ANKS1B: variants seen among roughly 807,000 people sequenced by gnomAD.
ANKS1B encodes the protein ankyrin repeat and sterile alpha motif domain containing 1B.
Under a neutral mutation model 148.3 loss-of-function variants are expected in ANKS1B, and 36 were observed. That is an observed-to-expected ratio of 0.24 (90% CI 0.19 to 0.32). ANKS1B has a LOEUF of 0.32. Among genes scored for constraint, ANKS1B ranks in the 10% least tolerant of loss-of-function variants. The pLI is 1.00. For synonymous variants in ANKS1B, 542 were observed against 560.8 expected (o/e 0.97, Z 0.47); for missense variants, 1,157 against 1,542.6 (o/e 0.75, Z 4.19).
intron 17 of ANKS1B, among the ~76,000 whole-genome samples, chr12:98,947,243 A>T (rs956610945): frequency 2.0e-5 from 3 of 152,054 alleles, no homozygotes; most frequent in African/African-American, 7.2e-5. Context: ...GAAAAAGATC[A>T]CTCTAGCTAC....
intron 8 of ANKS1B, among the ~76,000 whole-genome samples, chr12:99,672,062 C>T (rs888437375): frequency 2.6e-5 from 4 of 152,026 alleles, no homozygotes; most frequent in Non-Finnish European, 4.4e-5. Flanking sequence ...TGGCAATATC[C>T]TTCAACCTAT....
At chr12:99,369,883 G>GATAC (rs1289916375) in intron 12 of ANKS1B, among the ~76,000 whole-genome samples, 4 of 151,902 alleles carry the variant, frequency 2.6e-5, no homozygotes, top group African/African-American at 9.7e-5. Context: ...TAGATAGATA[G>GATAC]ATAGATAGAT....
chr12:99,088,017 T>A (rs980764013), intron 15 of ANKS1B, among the ~76,000 whole-genome samples: 1 of 152,206 alleles, frequency 6.6e-6, no homozygotes, highest in African/African-American at 2.4e-5. Context: ...AACATCTTTT[T>A]GAGCCAAATT....
chr12:99,058,763 A>G, intron 16 of ANKS1B, among the ~76,000 whole-genome samples: 3 of 100,118 alleles, frequency 3.0e-5, no homozygotes, highest in Admixed American at 1.2e-4. Flanking sequence ...TTTGAGACGG[A>G]GTCTCGCTCT....
intron 1 of ANKS1B, among the ~76,000 whole-genome samples, chr12:99,834,649 T>C (rs1179333873): frequency 2.6e-5 from 4 of 152,204 alleles, no homozygotes; most frequent in Non-Finnish European, 4.4e-5. Flanking sequence ...CTGAGTTTCT[T>C]AGGCCAATAT....
chr12:99,412,626 G>C (rs1226549605), intron 11 of ANKS1B, among the ~76,000 whole-genome samples: 2 of 152,098 alleles, frequency 1.3e-5, no homozygotes, highest in South Asian at 4.1e-4. Flanking sequence ...AAATGCCTCA[G>C]GTAGTAACTC....
At chr12:98,983,750 T>C (rs1174604953) in intron 17 of ANKS1B, among the ~76,000 whole-genome samples, 5 of 151,858 alleles carry the variant, frequency 3.3e-5, no homozygotes, top group Non-Finnish European at 5.9e-5. Flanking sequence ...TAAAAAGGAG[T>C]CAGCAATCCA....
chr12:99,143,560 C>T (rs997122647), intron 15 of ANKS1B, among the ~76,000 whole-genome samples: 1 of 152,014 alleles, frequency 6.6e-6, no homozygotes, highest in Non-Finnish European at 1.5e-5. Flanking sequence ...GCTCATTACA[C>T]CACAGAAAAA....
At chr12:99,489,546 G>T (rs1287484953) in intron 10 of ANKS1B, among the ~76,000 whole-genome samples, 1 of 152,118 alleles carries the variant, frequency 6.6e-6, no homozygotes, top group African/African-American at 2.4e-5. Flanking sequence ...GCAATTAAAA[G>T]GTAGGCATTT....
intron 2 of ANKS1B, among the ~76,000 whole-genome samples, 200 bp from the exon 3 acceptor site, chr12:99,812,511 C>CCACACACACACACACACA (rs10539640): frequency 7.9e-6 from 1 of 126,096 alleles, no homozygotes; most frequent in African/African-American, 3.0e-5. Flanking sequence ...TCACCCCATG[C>CCACACACACACACACACA]CACACACACA....
chr12:99,234,462 T>G (rs1029965251), intron 14 of ANKS1B, among the ~76,000 whole-genome samples: 1 of 152,150 alleles, frequency 6.6e-6, no homozygotes, highest in Non-Finnish European at 1.5e-5. Flanking sequence ...TACAGTGAAT[T>G]TAACATTAAG....
At chr12:99,729,465 C>T (rs1162702162) in intron 8 of ANKS1B, among the ~76,000 whole-genome samples, 1 of 152,030 alleles carries the variant, frequency 6.6e-6, no homozygotes, top group East Asian at 1.9e-4. Context: ...AGTAATTGTA[C>T]TTTTGAACTC....
intron 11 of ANKS1B, among the ~76,000 whole-genome samples, chr12:99,427,607 G>C (rs573122714): frequency 6.6e-6 from 1 of 152,220 alleles, no homozygotes; most frequent in South Asian, 2.1e-4. Flanking sequence ...TCTATTTATT[G>C]TTCACTTGAT....
chr12:99,389,281 A>AAC (rs1370210762), intron 12 of ANKS1B, among the ~76,000 whole-genome samples: 10 of 152,214 alleles, frequency 6.6e-5, no homozygotes, highest in Non-Finnish European at 1.5e-4. Context: ...GCCCCAGGTA[A>AAC]ACACATGAGG....
chr12:99,272,043 C>T (rs1284173371), intron 12 of ANKS1B, among the ~76,000 whole-genome samples: 1 of 151,964 alleles, frequency 6.6e-6, no homozygotes, highest in Non-Finnish European at 1.5e-5. Flanking sequence ...TATCAATGTT[C>T]ACCTGATAAC....
At chr12:99,685,657 T>C (rs1339031548) in intron 8 of ANKS1B, among the ~76,000 whole-genome samples, 3 of 152,034 alleles carry the variant, frequency 2.0e-5, no homozygotes, top group East Asian at 1.9e-4. Flanking sequence ...CAACTGGCAA[T>C]TGCAAAAATA....
chr12:98,893,042 A>G (rs67903060), intron 17 of ANKS1B, among the ~76,000 whole-genome samples: 16,241 of 152,134 alleles, frequency 0.11, 990 homozygotes, highest in Middle Eastern at 0.17. Flanking sequence ...CCCCAACATC[A>G]TATTTCCCCC....
intron 12 of ANKS1B, among the ~76,000 whole-genome samples, chr12:99,284,113 C>G (rs902793248): frequency 6.6e-6 from 1 of 151,978 alleles, no homozygotes; most frequent in East Asian, 1.9e-4. Flanking sequence ...AGAGTAACAC[C>G]GAAACTTACC....
At chr12:99,060,351 G>C (rs1271944232) in intron 16 of ANKS1B, among the ~76,000 whole-genome samples, 2 of 152,020 alleles carry the variant, frequency 1.3e-5, no homozygotes, top group African/African-American at 4.8e-5. Context: ...AGTACTCTGT[G>C]GAGTTCTGGG....
Sources: allele counts gnomAD v4.1 joint callset (sites outside exome capture counted in the v4.1 genomes callset), GRCh38; gene constraint gnomAD v4.1.1; transcripts MANE v1.5; gene names NCBI Gene and HGNC (gene_info 2026-07-23, HGNC 2026-07-21).